SPECC1: variants seen among roughly 807,000 people sequenced by gnomAD.
The protein encoded by SPECC1 is cytospin-B.
Under a neutral mutation model 104.1 loss-of-function variants are expected in SPECC1, and 62 were observed. The ratio of observed to expected loss-of-function variants is 0.60; its 90% CI spans 0.49 to 0.74. The LOEUF is 0.74. Ranked by LOEUF, SPECC1 falls within the 30% of genes least tolerant of loss-of-function variation. The probability of loss-of-function intolerance (pLI) is 0.00; values close to 1 mark genes in which losing one functional copy is unlikely to be tolerated. For missense variants in SPECC1, 1,306 were observed against 1,310.5 expected (o/e 1.00, Z 0.05); for synonymous variants, 513 against 501.6 (o/e 1.02, Z -0.30).
rs1486992165 is a variant in SPECC1, at chr17:20,318,070, A to G, written c.*4005A>G. The G allele has an allele frequency of 4.3e-5, 10 of 231,126 alleles. No individual in the cohort carries two copies. The highest frequency in any genetic ancestry group is 1.8e-4 in the South Asian group (1 of 5,520). The allele number at this position is 231,126 out of a possible 1,614,324, so 14.3% of individuals were successfully genotyped here. On this transcript the variant is annotated 3_prime_UTR_variant, in exon 15 of 15. Coordinates refer to ENST00000395527, the MANE Select transcript of SPECC1 (RefSeq NM_001243439.2). ...CCCAGTTTCTGTCCTGAGGATTTCAAAGACCACAACAGCCACATTTCTTTC... is the reference window on the plus strand; with the variant it reads ...CCCAGTTTCTGTCCTGAGGATTTCAGAGACCACAACAGCCACATTTCTTTC...
intron 3 of SPECC1, among the ~76,000 whole-genome samples, chr17:20,203,186 C>T (rs1429901674): frequency 6.6e-6 from 1 of 150,762 alleles, no homozygotes; most frequent in Non-Finnish European, 1.5e-5. Flanking sequence ...ATGACCACTT[C>T]TGGGACCCTT....
intron 1 of SPECC1, among the ~76,000 whole-genome samples, chr17:20,090,835 G>A (rs1217254086): frequency 6.6e-6 from 1 of 152,132 alleles, no homozygotes; most frequent in African/African-American, 2.4e-5. Flanking sequence ...TCTCTCTTGG[G>A]TCTGCATTTC....
At position 20,298,921 on chromosome 17, in the gene SPECC1, A is replaced by AGAGAGAGAGAGAGAGAG. The variant is rs1555535542; in HGVS notation, c.3057+1844_3057+1845insGAGAGAGAGAGAGAGAG. The stretch of plus-strand genomic sequence containing the variant: ...GAATTCTCCAAAAAAGCAGAACCAA[A>AGAGAGAGAGAGAGAGAG]AGAGAGAGAGAGAGAGAGAGAGAGA... On this transcript the variant is annotated intron_variant, in intron 13 of 14. Transcript: ENST00000395527. Among the ~76,000 whole-genome samples the AGAGAGAGAGAGAGAGAG allele has an allele frequency of 4.1e-5, 3 of 72,792 alleles. No homozygotes were observed. The East Asian group carries it at 5.6e-3, about 137-fold the overall frequency. 47.8% of individuals were successfully genotyped at this position (72,792 alleles called of 152,430 possible). A position where few individuals can be genotyped will look rare whatever the true frequency, so the allele number is the denominator to read the frequency against.
At position 20,247,289 on chromosome 17, in the gene SPECC1, T is replaced by A. The variant is rs772520805; in HGVS notation, c.2568T>A (p.Thr856=). The change falls in exon 9 of 15, where the codon ACT becomes ACA. Residue 856 remains threonine (T), a synonymous_variant. Coordinates refer to ENST00000395527, the MANE Select transcript of SPECC1 (RefSeq NM_001243439.2). ...CCCTAAGTGGGATACCAGTGAGGAC[T>A]GCTCCAGCAGCTGCTGTCTCTCCAA... ...RSPLSGIPVR[T]APAAAVSPMQ... is the part of the protein sequence containing the mutation. 2 of 1,613,698 alleles carry A rather than the reference T, an allele frequency of 1.2e-6. No individual in the cohort carries two copies. The highest frequency in any genetic ancestry group is 1.7e-6 in the Non-Finnish European group (2 of 1,179,866).
chr17:20,142,399 T>G (rs554738507), intron 3 of SPECC1, among the ~76,000 whole-genome samples: 1 of 152,152 alleles, frequency 6.6e-6, no homozygotes, highest in Non-Finnish European at 1.5e-5. Context: ...TTGCAATAAC[T>G]AAAAGGTGGA....
chr17:20,035,427 T>C (rs1256851657), intron 1 of SPECC1, among the ~76,000 whole-genome samples: 54 of 152,230 alleles, frequency 3.5e-4, no homozygotes, highest in Non-Finnish European at 6.6e-4. Context: ...ATGGTATATT[T>C]CACGCTATTT....
intron 1 of SPECC1, among the ~76,000 whole-genome samples, chr17:20,019,051 A>G (rs7211535): frequency 0.48 from 72,316 of 151,734 alleles, 17,614 homozygotes; most frequent in Middle Eastern, 0.54. Context: ...CCAGCCAAGG[A>G]TTAACCATGC....
chr17:20,295,478 A>G (rs1389530536), intron 12 of SPECC1, among the ~76,000 whole-genome samples: 1 of 151,506 alleles, frequency 6.6e-6, no homozygotes, highest in Non-Finnish European at 1.5e-5. Flanking sequence ...CGCAATAAAC[A>G]TATGTGTGCA....
Position 20,081,016 on chromosome 17 carries a change from C to G in SPECC1, c.-21-15615C>G, listed in dbSNP as rs1435218427. Among the ~76,000 whole-genome samples the G allele has an allele frequency of 2.6e-5, 4 of 152,252 alleles. No homozygotes were observed. The East Asian group carries it at 5.8e-4, about 22-fold the overall frequency. ...TATGCCTCCTCCTTGCTTTGCTGTT[C>G]CCTGTGCCTGTGAGTTTCTCTCCCT... On this transcript the variant is annotated intron_variant, in intron 1 of 14. Coordinates refer to ENST00000395527, the MANE Select transcript of SPECC1 (RefSeq NM_001243439.2).
At chr17:20,215,364 T>G (rs891392599) in intron 4 of SPECC1, among the ~76,000 whole-genome samples, 6 of 152,226 alleles carry the variant, frequency 3.9e-5, no homozygotes, top group Admixed American at 1.3e-4. Context: ...CTTGATTGAA[T>G]GGACTATATA....
chr17:20,212,866 TTATTA>T (rs1389726065), intron 4 of SPECC1, among the ~76,000 whole-genome samples: 2 of 152,192 alleles, frequency 1.3e-5, no homozygotes, highest in African/African-American at 4.8e-5. Flanking sequence ...AAAGTAAAGT[TTATTA>T]TATTTTAATA....
intron 12 of SPECC1, among the ~76,000 whole-genome samples, chr17:20,292,037 G>A (rs902085110): frequency 2.0e-5 from 3 of 151,650 alleles, no homozygotes; most frequent in Non-Finnish European, 4.4e-5. Flanking sequence ...ACGTCAAAAC[G>A]GGTTTCTGGA....
intron 2 of SPECC1, among the ~76,000 whole-genome samples, chr17:20,103,819 G>A (rs891748183): frequency 6.6e-6 from 1 of 152,206 alleles, no homozygotes; most frequent in Non-Finnish European, 1.5e-5. Context: ...AAGGCTGTTG[G>A]ATGGCTGGAA....
At chr17:20,304,762 T>C (rs1478659110) in intron 13 of SPECC1, among the ~76,000 whole-genome samples, 1 of 151,916 alleles carries the variant, frequency 6.6e-6, no homozygotes, top group Non-Finnish European at 1.5e-5. Flanking sequence ...GATGAGATGA[T>C]TAAGAGCTCG....
intron 3 of SPECC1, among the ~76,000 whole-genome samples, chr17:20,186,205 C>T (rs1174444697): frequency 6.6e-6 from 1 of 152,156 alleles, no homozygotes; most frequent in East Asian, 1.9e-4. Flanking sequence ...GTTGTGAATT[C>T]AGTTTCAGAC....
At chr17:20,014,559 G>C (rs1252238763) in intron 1 of SPECC1, among the ~76,000 whole-genome samples, 1 of 152,078 alleles carries the variant, frequency 6.6e-6, no homozygotes, top group South Asian at 2.1e-4. Flanking sequence ...ACTTTTCCAT[G>C]TGAATATTCT....
At chr17:20,023,109 A>G (rs1318315959) in intron 1 of SPECC1, among the ~76,000 whole-genome samples, 1 of 152,198 alleles carries the variant, frequency 6.6e-6, no homozygotes, top group African/African-American at 2.4e-5. Flanking sequence ...TTTTCTGTGA[A>G]GAGCTATAGA....
chr17:20,119,980 C>T (rs182977560), intron 3 of SPECC1, among the ~76,000 whole-genome samples: 1 of 152,152 alleles, frequency 6.6e-6, no homozygotes, highest in East Asian at 1.9e-4. Flanking sequence ...AGATGCTGAA[C>T]TGGTAAGTAT....
intron 2 of SPECC1, among the ~76,000 whole-genome samples, chr17:20,109,286 C>T (rs1394947222): frequency 3.3e-5 from 5 of 152,210 alleles, no homozygotes; most frequent in Non-Finnish European, 5.9e-5. Flanking sequence ...CACTGCATAT[C>T]GACATTGATT....
Sources: allele counts gnomAD v4.1 joint callset (sites outside exome capture counted in the v4.1 genomes callset), GRCh38; gene constraint gnomAD v4.1.1; transcripts MANE v1.5; gene names NCBI Gene and HGNC (gene_info 2026-07-23, HGNC 2026-07-21).